NTM: variants seen among roughly 807,000 people sequenced by gnomAD.
NTM encodes neurotrimin, also known as IgLON family member 2.
NTM carries 13 observed loss-of-function variants against 42.1 expected under a neutral mutation model. The ratio of observed to expected loss-of-function variants is 0.31; its 90% CI spans 0.20 to 0.49. The LOEUF (loss-of-function observed/expected upper bound fraction) is 0.49, where lower values mean the gene tolerates loss of function less well. Among genes scored for constraint, NTM ranks in the 20% least tolerant of loss-of-function variants. The probability of loss-of-function intolerance (pLI) is 0.99; values close to 1 mark genes in which losing one functional copy is unlikely to be tolerated. For synonymous variants in NTM, 187 were observed against 179.2 expected, an observed-to-expected ratio of 1.04 and a Z score of -0.35; for missense variants, 373 against 452.8, an observed-to-expected ratio of 0.82 and a Z score of 1.60.
intron 2 of NTM, among the ~76,000 whole-genome samples, chr11:132,022,760 A>C (rs2074541483): frequency 6.6e-6 from 1 of 152,250 alleles, no homozygotes; most frequent in Non-Finnish European, 1.5e-5. Flanking sequence ...CATGGAATCA[A>C]GTACAGCAGG....
At chr11:132,102,629 T>C (rs1327780508) in intron 2 of NTM, among the ~76,000 whole-genome samples, 1 of 152,238 alleles carries the variant, frequency 6.6e-6, no homozygotes, top group Non-Finnish European at 1.5e-5. Flanking sequence ...TTCCACAGTG[T>C]GGAAGAGTTT....
chr11:131,877,036 T>G (rs2048635145), intron 1 of NTM, among the ~76,000 whole-genome samples: 1 of 152,206 alleles, frequency 6.6e-6, no homozygotes, highest in Middle Eastern at 3.4e-3. Context: ...TTTTTGTGTT[T>G]TTAGTAGAGA....
At chr11:131,385,816 C>G (rs1943248705) in intron 1 of NTM, among the ~76,000 whole-genome samples, 1 of 152,170 alleles carries the variant, frequency 6.6e-6, no homozygotes, top group Non-Finnish European at 1.5e-5. Flanking sequence ...TATGATTGCA[C>G]CACCGCACTC....
intron 1 of NTM, among the ~76,000 whole-genome samples, chr11:131,411,540 C>CGTGTGTGTGTGT (rs5795724): frequency 7.7e-6 from 1 of 129,718 alleles, no homozygotes; most frequent in East Asian, 2.5e-4. Flanking sequence ...TAGGGGGGGC[C>CGTGTGTGTGTGT]GTGTGTGTGT....
chr11:131,503,527 A>ATTTTT (rs34452341), intron 1 of NTM, among the ~76,000 whole-genome samples: 4,801 of 146,042 alleles, frequency 0.033, 255 homozygotes, highest in African/African-American at 0.11. Flanking sequence ...TGAGGTTACA[A>ATTTTT]TTTTTTTTTT....
chr11:131,827,172 A>T (rs1306566868), intron 1 of NTM, among the ~76,000 whole-genome samples: 1 of 152,216 alleles, frequency 6.6e-6, no homozygotes, highest in Non-Finnish European at 1.5e-5. Context: ...AATAAATAGA[A>T]AACAAAATCA....
intron 1 of NTM, among the ~76,000 whole-genome samples, chr11:131,718,486 C>T (rs2135376917): frequency 6.6e-6 from 1 of 152,078 alleles, no homozygotes; most frequent in African/African-American, 2.4e-5. Flanking sequence ...AATTCAATGC[C>T]TCATGAATTA....
At chr11:131,828,709 C>T (rs1329788919) in intron 1 of NTM, among the ~76,000 whole-genome samples, 2 of 152,112 alleles carry the variant, frequency 1.3e-5, no homozygotes, top group Admixed American at 6.5e-5. Flanking sequence ...TTTCACGGCA[C>T]GTCTCCAAAC....
chr11:131,898,299 G>A (rs1035205969), intron 1 of NTM, among the ~76,000 whole-genome samples: 2 of 152,226 alleles, frequency 1.3e-5, no homozygotes, highest in Non-Finnish European at 2.9e-5. Context: ...TGCCTGTGGG[G>A]AAGTATGACC....
At chr11:131,529,249 G>T (rs1447267015) in intron 1 of NTM, among the ~76,000 whole-genome samples, 1 of 152,088 alleles carries the variant, frequency 6.6e-6, no homozygotes, top group Non-Finnish European at 1.5e-5. Context: ...AGATAGAAAG[G>T]GTATTTACGA....
intron 1 of NTM, among the ~76,000 whole-genome samples, chr11:131,885,434 G>C (rs965377769): frequency 6.6e-6 from 1 of 152,166 alleles, no homozygotes; most frequent in Admixed American, 6.5e-5. Flanking sequence ...ATGGCCTTTT[G>C]CATTTCTGCT....
intron 1 of NTM, among the ~76,000 whole-genome samples, chr11:131,910,502 G>T (rs575424094): frequency 2.6e-5 from 4 of 151,582 alleles, no homozygotes; most frequent in African/African-American, 9.6e-5. Context: ...GGATGAGAGC[G>T]CAGTCCGCGC....
intron 2 of NTM, among the ~76,000 whole-genome samples, chr11:131,956,863 GC>G (rs2061612645): frequency 6.6e-6 from 1 of 152,094 alleles, no homozygotes; most frequent in South Asian, 2.1e-4. Context: ...AGTGTGCAGG[GC>G]TCAGGACTGG....
intron 1 of NTM, among the ~76,000 whole-genome samples, chr11:131,606,860 G>A (rs1366355833): frequency 6.6e-6 from 1 of 152,144 alleles, no homozygotes; most frequent in East Asian, 1.9e-4. Context: ...AAGAGGCCGT[G>A]GTTTAAGAGA....
chr11:131,767,559 G>T (rs1439923577), intron 1 of NTM, among the ~76,000 whole-genome samples: 1 of 152,160 alleles, frequency 6.6e-6, no homozygotes, highest in African/African-American at 2.4e-5. Flanking sequence ...CCCATGGCAG[G>T]ATTTGTGAGT....
chr11:131,945,241 C>T (rs639229), intron 2 of NTM, among the ~76,000 whole-genome samples: 20,820 of 152,198 alleles, frequency 0.14, 1,857 homozygotes, highest in East Asian at 0.3. Context: ...TCCTGTCTCA[C>T]GCACACACAC....
intron 4 of NTM, among the ~76,000 whole-genome samples, chr11:132,276,885 C>T (rs2093746302): frequency 6.6e-6 from 1 of 152,152 alleles, no homozygotes; most frequent in East Asian, 1.9e-4. Context: ...TATGCTGAGT[C>T]CTATGACTAT....
At chr11:131,693,734 C>T in intron 1 of NTM, among the ~76,000 whole-genome samples, 2 of 152,234 alleles carry the variant, frequency 1.3e-5, no homozygotes, top group East Asian at 3.9e-4. Flanking sequence ...GGCATTGTGG[C>T]TGCAGAGACA....
chr11:131,452,318 T>G (rs538140448), intron 1 of NTM, among the ~76,000 whole-genome samples: 2 of 152,208 alleles, frequency 1.3e-5, no homozygotes, highest in Non-Finnish European at 2.9e-5. Flanking sequence ...AGACACACTC[T>G]TTGCTCACCC....
Sources: gnomAD v4.1 joint callset for allele counts (sites outside exome capture counted in the v4.1 genomes callset) on GRCh38, gnomAD v4.1.1 for gene constraint, MANE v1.5 for transcripts, NCBI Gene and HGNC (gene_info 2026-07-23, HGNC 2026-07-21) for gene names.